The following ITPK1 variants were observed in gnomAD, a reference collection of about 807,000 sequenced individuals.
The protein encoded by ITPK1 is inositol-tetrakisphosphate 1-kinase.
ITPK1 carries 21 observed loss-of-function variants against 45.3 expected under a neutral mutation model. The ratio of observed to expected loss-of-function variants is 0.46; its 90% CI spans 0.33 to 0.67. ITPK1 has a LOEUF of 0.67. ITPK1 is among the 30% of genes least tolerant of loss of function. The pLI is 0.02. For synonymous variants in ITPK1, 258 were observed against 253.6 expected, an observed-to-expected ratio of 1.02 and a Z score of -0.16; for missense variants, 474 against 573.5, an observed-to-expected ratio of 0.83 and a Z score of 1.77.
rs951628864 is a variant in ITPK1, at chr14:93,016,395, C to T, written c.246+281G>A. Among the ~76,000 whole-genome samples the T allele has an allele frequency of 6.6e-6, 1 of 152,182 alleles. No individual in the cohort carries two copies. Among genetic ancestry groups the T allele is most frequent in the Non-Finnish European group, 1.5e-5 (1 of 68,026 alleles). ...CTGTGCTGAGGACGTGGAGGCCACA[C>T]TGGAACTCAGCGATGCCTCATCAGT... On this transcript the variant is annotated intron_variant, in intron 4 of 10. Transcript: ENST00000267615. This position sits in a 1 kb window ranked among gnomAD's most constrained non-coding sequence, Gnocchi z 5.0.
At chr14:93,019,982 C>G (rs951716263) in intron 3 of ITPK1, among the ~76,000 whole-genome samples, 1 of 152,224 alleles carries the variant, frequency 6.6e-6, no homozygotes, top group Non-Finnish European at 1.5e-5. Context: ...TCCCTCCCAG[C>G]AGGAGCAAGG....
At chr14:93,018,831 C>T (rs767137124) in intron 3 of ITPK1, among the ~76,000 whole-genome samples, 11 of 152,176 alleles carry the variant, frequency 7.2e-5, no homozygotes, top group Non-Finnish European at 1.2e-4. Flanking sequence ...CCAAGCAAGG[C>T]CATGCAGGTG....
intron 10 of ITPK1, among the ~76,000 whole-genome samples, chr14:92,944,979 C>A (rs1462111462): frequency 6.6e-6 from 1 of 152,256 alleles, no homozygotes; most frequent in African/African-American, 2.4e-5. Flanking sequence ...GTCCTCCAGC[C>A]TTCCTGCCCC....
rs59743176 is a variant in ITPK1 at position 93,066,332 on chromosome 14, GT to G, written c.120+10262del. ...TGTGTGTGTGTGTATGTGTGTGTGT[GT>G]GTGTGTGTAGGGGGCAGAGGCGTCT... On this transcript the variant is annotated intron_variant, in intron 3 of 10. Coordinates refer to ENST00000267615, the MANE Select transcript of ITPK1 (RefSeq NM_014216.6). 1,158 of 443,422 alleles carry G rather than the reference GT, an allele frequency of 2.6e-3. 9 individuals are homozygous for G. Among genetic ancestry groups the G allele is most frequent in the African/African-American group, 7.8e-3 (374 of 47,742 alleles). The allele number at this position is 443,422 out of a possible 1,614,324, so 27.5% of individuals were successfully genotyped here.
chr14:93,046,410 G>T (rs1487325150), intron 3 of ITPK1, among the ~76,000 whole-genome samples: 1 of 152,118 alleles, frequency 6.6e-6, no homozygotes, highest in Non-Finnish European at 1.5e-5. Context: ...TTCCCACATG[G>T]CCCCATGTGC....
rs1888785197 is a variant in ITPK1, at chr14:93,027,273, T to C, written c.121-10472A>G. 2.0e-5 allele frequency among the ~76,000 whole-genome samples: 3 copies of C among 152,326 alleles called. No individual in the cohort carries two copies. The South Asian group carries it at 6.2e-4, about 32-fold the overall frequency. Reference sequence around the variant, plus strand: ...ATGTCTTATTTACTTACTGAAAGTTTGTAAATTACCAACTGAGCAGTCTCT... The same window carrying C: ...ATGTCTTATTTACTTACTGAAAGTTCGTAAATTACCAACTGAGCAGTCTCT... On this transcript the variant is annotated intron_variant, in intron 3 of 10. Coordinates refer to ENST00000267615, the MANE Select transcript of ITPK1 (RefSeq NM_014216.6).
chr14:93,043,501 G>A lies in ITPK1; in HGVS notation c.121-26700C>T, dbSNP rs138557473. On this transcript the variant is annotated intron_variant, in intron 3 of 10. Transcript: ENST00000267615. ...CTACTTCCAACAGGAAATTCCAAGT[G>A]TCCCTGTCAAGCAGGGGAAATGCCA... is the stretch of plus-strand genomic sequence containing the variant. Among the ~76,000 whole-genome samples the A allele has an allele frequency of 5.4e-3, 826 of 152,324 alleles. 25 individuals are homozygous for A. The highest frequency in any genetic ancestry group is 0.043 in the Admixed American group (652 of 15,294).
At chr14:93,096,647 G>C (rs541966439) in intron 2 of ITPK1, among the ~76,000 whole-genome samples, 1 of 152,320 alleles carries the variant, frequency 6.6e-6, no homozygotes, top group African/African-American at 2.4e-5. Context: ...GAAGGAGAGA[G>C]CGCAGGAGCT....
chr14:92,961,282 G>A (rs186130306), intron 7 of ITPK1, among the ~76,000 whole-genome samples: 142 of 152,314 alleles, frequency 9.3e-4, no homozygotes, highest in Non-Finnish European at 1.8e-3. Context: ...AGGGTGGTAC[G>A]GGCCCTGGCC....
At chr14:92,966,385 A>T (rs57854715) in intron 5 of ITPK1, among the ~76,000 whole-genome samples, 22,172 of 152,282 alleles carry the variant, frequency 0.15, 1,959 homozygotes, top group East Asian at 0.32. Flanking sequence ...AAATAAATTT[A>T]AAAAATAAGT....
intron 4 of ITPK1, chr14:92,998,902 C>T (rs1221473484): frequency 1.3e-5 from 2 of 152,214 alleles, no homozygotes; most frequent in Non-Finnish European, 2.9e-5. Context: ...TGGCCACTTA[C>T]CTGGGACTTG....
intron 5 of ITPK1, among the ~76,000 whole-genome samples, chr14:92,971,802 C>T (rs546874983): frequency 5.9e-5 from 9 of 152,302 alleles, no homozygotes; most frequent in Non-Finnish European, 1.0e-4. Context: ...GTTGCAGGGA[C>T]GCGGTGAGGC....
intron 2 of ITPK1, among the ~76,000 whole-genome samples, chr14:93,083,392 T>TC (rs1168170140): frequency 6.6e-6 from 1 of 151,998 alleles, no homozygotes; most frequent in Admixed American, 6.5e-5. Context: ...CAAGAGGCCC[T>TC]CCCCAGGGCA....
intron 5 of ITPK1, among the ~76,000 whole-genome samples, chr14:92,982,293 C>T (rs187841805): frequency 6.6e-6 from 1 of 152,322 alleles, no homozygotes; most frequent in Admixed American, 6.5e-5. Flanking sequence ...GGTTCTGTTG[C>T]ATTGCTGCCC....
At chr14:93,068,451 T>G (rs1056694671) in intron 3 of ITPK1, 1 of 152,286 alleles carries the variant, frequency 6.6e-6, no homozygotes, top group African/African-American at 2.4e-5. Flanking sequence ...AGGATATGGG[T>G]GGACCGCAAG....
chr14:93,109,578 A>C (rs1208403912), intron 2 of ITPK1, among the ~76,000 whole-genome samples: 1 of 152,250 alleles, frequency 6.6e-6, no homozygotes, highest in Admixed American at 6.5e-5. Flanking sequence ...CTCAATCTCC[A>C]AACTTAAAAA....
rs115137411 is a variant in ITPK1, at chr14:93,022,552, G to A, written c.121-5751C>T. Among the ~76,000 whole-genome samples the A allele has an allele frequency of 1.0e-3, 153 of 148,218 alleles. 1 individual carries two copies. Among genetic ancestry groups the A allele is most frequent in the African/African-American group, 3.6e-3 (143 of 40,088 alleles). ...TTTTTTGAGACAGTCTCGGTCTACC[G>A]TCGAGGCTGGAGTACAGTGGCATGA... On this transcript the variant is annotated intron_variant, in intron 3 of 10. Coordinates refer to ENST00000267615, the MANE Select transcript of ITPK1 (RefSeq NM_014216.6).
At chr14:92,943,216 T>C (rs1315379075) in intron 10 of ITPK1, among the ~76,000 whole-genome samples, 1 of 152,240 alleles carries the variant, frequency 6.6e-6, no homozygotes, top group Non-Finnish European at 1.5e-5. Context: ...TGAGGAGGCA[T>C]GACCGTTAAC....
chr14:93,049,644 G>A (rs1452295631), intron 3 of ITPK1, among the ~76,000 whole-genome samples: 3 of 151,782 alleles, frequency 2.0e-5, no homozygotes, highest in Non-Finnish European at 2.9e-5. Context: ...CCAGGTGGGG[G>A]CTGGACTGAG....
Sources: allele counts gnomAD v4.1 joint callset (sites outside exome capture counted in the v4.1 genomes callset), GRCh38; gene constraint gnomAD v4.1.1; non-coding constraint Gnocchi (gnomAD v3.1); transcripts MANE v1.5; gene names NCBI Gene and HGNC (gene_info 2026-07-23, HGNC 2026-07-21).